The following USP9X variants were observed in gnomAD, a reference collection of about 807,000 sequenced individuals.
USP9X encodes ubiquitin specific peptidase 9 X-linked, also known as ubiquitin carboxyl-terminal hydrolase 9X.
USP9X carries 7 observed loss-of-function variants against 190.3 expected under a neutral mutation model. The observed-to-expected ratio is 0.04, with a 90% CI of 0.02 to 0.07. The LOEUF (loss-of-function observed/expected upper bound fraction) is 0.07. Among genes scored for constraint, USP9X ranks in the 10% least tolerant of loss-of-function variants. USP9X has a pLI of 1.00. For missense variants in USP9X, 1,010 were observed against 1,916.9 expected (o/e 0.53, Z 8.83); for synonymous variants, 645 against 659.5 (o/e 0.98, Z 0.34).
At chrX:41,125,227 C>T (rs780600104) in intron 2 of USP9X, among the ~76,000 whole-genome samples, 1 of 110,094 alleles carries the variant, frequency 9.1e-6, no homozygotes, top group South Asian at 3.9e-4. Context: ...AGGCACGTCC[C>T]ACCACACTCA....
At position 41,085,809 on chromosome X, in the gene USP9X, G is replaced by T. The variant is rs930816162; in HGVS notation, c.-459G>T. 2.3e-4 allele frequency: 67 copies of T among 297,121 alleles called. No homozygotes were observed. The highest frequency in any genetic ancestry group is 1.7e-3 in the African/African-American group (61 of 36,648). 24.5% of individuals were successfully genotyped at this position (297,121 alleles called of 1,213,427 possible). A position where few individuals can be genotyped will look rare whatever the true frequency, so the allele number is the denominator to read the frequency against. On this transcript the variant is annotated 5_prime_UTR_variant, in exon 1 of 45. Coordinates refer to ENST00000378308, the MANE Select transcript of USP9X (RefSeq NM_001039591.3). ...AGGAGAAACGCACCGCCCGGAGCCC[G>T]TCTGAGCTCAGCGAGAGCCCCAGCC... is the stretch of plus-strand genomic sequence containing the variant.
chrX:41,144,183 T>G (rs944608248), intron 10 of USP9X, among the ~76,000 whole-genome samples: 1 of 110,000 alleles, frequency 9.1e-6, no homozygotes, highest in African/African-American at 3.3e-5. Context: ...GTTGCCAGGT[T>G]TTAGATGGCA....
chrX:41,101,690 AT>A (rs200836081), intron 1 of USP9X, among the ~76,000 whole-genome samples: 58 of 111,521 alleles, frequency 5.2e-4, no homozygotes, highest in Non-Finnish European at 8.1e-4. Flanking sequence ...ATTAAAAAAA[AT>A]AAATAAATAA....
Position 41,184,565 on chromosome X carries a change from A to G in USP9X, c.3448A>G (p.Asn1150Asp). Reference sequence around the variant, plus strand: ...GGAAACTCGAAGGGGTGCCTACCTCAATGCTCTTAAAATAGCCAAGCTTTT... The same window carrying G: ...GGAAACTCGAAGGGGTGCCTACCTCGATGCTCTTAAAATAGCCAAGCTTTT... ...DMETRRGAYL[N>D]ALKIAKLLLT... The change falls in exon 23 of 45, where the codon AAT becomes GAT. Residue 1150 changes from asparagine (N) to aspartate (D), a missense_variant. This residue lies in a region of USP9X where 351 missense variants were observed against 480.8 expected (regional missense o/e 0.73). Transcript: ENST00000378308. 8.3e-7 allele frequency: 1 copy of G among 1,211,653 alleles called. No homozygotes were observed. Among genetic ancestry groups the G allele is most frequent in the Non-Finnish European group, 1.1e-6 (1 of 895,464 alleles).
chrX:41,105,854 T>C lies in USP9X; in HGVS notation c.-158-17617T>C, dbSNP rs181253217. ...TTATAGCCATCCTAGTGATATCTCA[T>C]AGTGGTTTTGGTTTGCATTTCCCTG... On this transcript the variant is annotated intron_variant, in intron 1 of 44. Transcript: ENST00000378308. Among the ~76,000 whole-genome samples, 10 of 112,222 alleles carry C rather than the reference T, an allele frequency of 8.9e-5. No homozygotes were observed. In the East Asian group the frequency reaches 2.8e-3, roughly 31 times the overall value.
At chrX:41,123,405 G>T in intron 1 of USP9X, 66 bp from the exon 2 acceptor site, 2 of 361,813 alleles carry the variant, frequency 5.5e-6, no homozygotes, top group Non-Finnish European at 4.8e-6. Flanking sequence ...TACTAAATTC[G>T]AACAGTTCCA....
In USP9X at chrX:41,184,466, T is replaced by C; in HGVS notation, c.3349T>C (p.Phe1117Leu). The C allele has an allele frequency of 8.3e-7, 1 of 1,211,568 alleles. No homozygotes were observed. The highest frequency in any genetic ancestry group is 1.1e-6 in the Non-Finnish European group (1 of 895,415). ...TGATTCCTCTGATTTTCAGTTTCAC[T>C]TCTTGAAAAGTGGTGGCCTACCCCT... ...ADDSSDFQFHFLKSGGLPLVL... is the reference protein window; with the variant it reads ...ADDSSDFQFHLLKSGGLPLVL... Residue 1117 changes from phenylalanine to leucine, a missense_variant, in exon 23 of 45, where the codon TTC becomes CTC. Physicochemically the swap from Phe to Leu is conservative, Grantham distance 22. Around this residue, in one of 11 missense-constraint regions of USP9X, gnomAD observed 351 missense variants for 480.8 expected, o/e 0.73. Transcript: ENST00000378308.
At chrX:41,150,800 C>T (rs2062517828) in intron 12 of USP9X, 121 bp from the exon 13 acceptor site, 9 of 722,740 alleles carry the variant, frequency 1.2e-5, no homozygotes, top group Non-Finnish European at 1.8e-5. Flanking sequence ...GTAATTACAA[C>T]ATGATGCTTG....
chrX:41,233,882 A>G lies in USP9X; in HGVS notation c.*1358A>G, dbSNP rs1222423697. On this transcript the variant is annotated 3_prime_UTR_variant, in exon 45 of 45. Coordinates refer to ENST00000378308, the MANE Select transcript of USP9X (RefSeq NM_001039591.3). Reference sequence around the variant, plus strand: ...TTTTTTGGAACCTGTCTAAAAACCAAATACCCCTGCAAACAGATACAGCCC... The same window carrying G: ...TTTTTTGGAACCTGTCTAAAAACCAGATACCCCTGCAAACAGATACAGCCC... 2 of 111,971 alleles carry G rather than the reference A, an allele frequency of 1.8e-5. No individual in the cohort carries two copies. The highest frequency in any genetic ancestry group is 6.5e-5 in the African/African-American group (2 of 30,785). The allele number at this position is 111,971 out of a possible 1,213,427, so 9.2% of individuals were successfully genotyped here. A position where few individuals can be genotyped will look rare whatever the true frequency, so the allele number is the denominator to read the frequency against.
chrX:41,196,746 T>G lies in USP9X; in HGVS notation c.4233+8T>G, dbSNP rs1027475271. ...TGGCTTAAAAGAATTAGGGTAAGTT[T>G]TAGTTAATACTCCATTTATATGTCA... On this transcript the variant is annotated splice_region_variant and intron_variant, in intron 28 of 44. Transcript: ENST00000378308. The G allele has an allele frequency of 2.7e-6, 3 of 1,121,415 alleles. No homozygotes were observed. Among genetic ancestry groups the G allele is most frequent in the African/African-American group, 3.7e-5 (2 of 54,728 alleles). 92.4% of individuals were successfully genotyped at this position (1,121,415 alleles called of 1,213,427 possible). A position where few individuals can be genotyped will look rare whatever the true frequency, so the allele number is the denominator to read the frequency against.
intron 3 of USP9X, among the ~76,000 whole-genome samples, chrX:41,130,626 C>T (rs1290228895): frequency 2.0e-5 from 2 of 98,148 alleles, no homozygotes; most frequent in South Asian, 4.8e-4. Context: ...GTAGCTAGGA[C>T]TACAGGCACG....
intron 32 of USP9X, among the ~76,000 whole-genome samples, chrX:41,205,767 A>G (rs2063086732): frequency 9.1e-6 from 1 of 110,487 alleles, no homozygotes; most frequent in African/African-American, 3.3e-5. Flanking sequence ...CAGAAGTAGA[A>G]AAAATAGTAT....
At chrX:41,110,386 G>C (rs375125959) in intron 1 of USP9X, among the ~76,000 whole-genome samples, 2 of 112,460 alleles carry the variant, frequency 1.8e-5, no homozygotes, top group East Asian at 5.5e-4. Context: ...ACATGTTTCT[G>C]CATCAAAAAC....
rs1440220543 is a variant in USP9X at position 41,234,216 on chromosome X, A to G, written c.*1692A>G. 9.0e-6 allele frequency: 1 copy of G among 111,584 alleles called. No individual in the cohort carries two copies. Among genetic ancestry groups the G allele is most frequent in the Non-Finnish European group, 1.9e-5 (1 of 53,105 alleles). The allele number at this position is 111,584 out of a possible 1,213,427, so 9.2% of individuals were successfully genotyped here. ...GAGAAATCAGGATGTTGACACTGTAAAAGTTTCCTAACATAATCTTGTACT... is the reference window on the plus strand; with the variant it reads ...GAGAAATCAGGATGTTGACACTGTAGAAGTTTCCTAACATAATCTTGTACT... On this transcript the variant is annotated 3_prime_UTR_variant, in exon 45 of 45. Coordinates refer to ENST00000378308, the MANE Select transcript of USP9X (RefSeq NM_001039591.3).
At chrX:41,183,645 A>C (rs1339948096) in intron 21 of USP9X, among the ~76,000 whole-genome samples, 1 of 111,301 alleles carries the variant, frequency 9.0e-6, no homozygotes, top group African/African-American at 3.3e-5. Context: ...GGTTAGAGGG[A>C]AGAGTTTATA....
At chrX:41,135,757 A>AG (rs1399578736) in intron 5 of USP9X, among the ~76,000 whole-genome samples, 1 of 111,108 alleles carries the variant, frequency 9.0e-6, no homozygotes, top group Non-Finnish European at 1.9e-5. Flanking sequence ...CAGCCTCCCG[A>AG]GTAGCTGGGA....
intron 10 of USP9X, 44 bp downstream of exon 10, chrX:41,143,487 A>T: frequency 9.2e-7 from 1 of 1,088,888 alleles, no homozygotes; most frequent in Non-Finnish European, 1.2e-6. Flanking sequence ...TAAAATAAAG[A>T]TACTAAAAAC....
At chrX:41,088,008 G>GT (rs967356040) in intron 1 of USP9X, among the ~76,000 whole-genome samples, 16 of 111,900 alleles carry the variant, frequency 1.4e-4, no homozygotes, top group South Asian at 3.7e-4. Flanking sequence ...TTGTTTGTTT[G>GT]TTTTTTTGTC....
intron 38 of USP9X, 101 bp downstream of exon 38, chrX:41,219,332 A>G: frequency 2.3e-6 from 2 of 874,006 alleles, no homozygotes; most frequent in East Asian, 3.5e-5. Flanking sequence ...TGAAGTAGAA[A>G]CAATTTCCCA....
Sources: gnomAD v4.1 joint callset for allele counts (sites outside exome capture counted in the v4.1 genomes callset) on GRCh38, gnomAD v4.1.1 for gene constraint, gnomAD v4.1.1 regional missense constraint, MANE v1.5 for transcripts, NCBI Gene and HGNC (gene_info 2026-07-23, HGNC 2026-07-21) for gene names.